The following PCDHGB7 variants were observed in gnomAD, a reference collection of about 807,000 sequenced individuals.
The protein encoded by PCDHGB7 is protocadherin gamma-B7.
Under a neutral mutation model 61.4 loss-of-function variants are expected in PCDHGB7, and 37 were observed. That is an observed-to-expected ratio of 0.60 (90% CI 0.46 to 0.79). The LOEUF is 0.79. PCDHGB7 is among the 30% of genes least tolerant of loss of function. The pLI, the probability that PCDHGB7 is intolerant of heterozygous loss-of-function variation, is 0.00. For missense variants in PCDHGB7, 1,166 were observed against 1,202.5 expected (o/e 0.97, Z 0.45); for synonymous variants, 464 against 503.5 (o/e 0.92, Z 1.05).
intron 2 of PCDHGB7, among the ~76,000 whole-genome samples, chr5:141,500,216 ATTT>A (rs979396489): frequency 3.1e-4 from 46 of 149,244 alleles, no homozygotes; most frequent in Non-Finnish European, 6.7e-4. Context: ...TTATTTATTT[ATTT>A]ATTTATTGAT....
intron 1 of PCDHGB7, among the ~76,000 whole-genome samples, chr5:141,437,421 T>G (rs971034611): frequency 1.2e-4 from 19 of 152,238 alleles, no homozygotes; most frequent in African/African-American, 4.6e-4. Flanking sequence ...TTATGCTTTT[T>G]GAAGCAGCAA....
rs561817609 is a variant in PCDHGB7, at chr5:141,496,904, G to A, written c.2474+2039G>A. Among the ~76,000 whole-genome samples, 12 of 137,476 alleles carry A rather than the reference G, an allele frequency of 8.7e-5. 1 individual carries two copies. The South Asian group carries it at 2.0e-3, about 23-fold the overall frequency. The allele number at this position is 137,476 out of a possible 152,430, so 90.2% of individuals were successfully genotyped here. On this transcript the variant is annotated intron_variant, in intron 2 of 3. Transcript: ENST00000398594. ...AGTAACACTTAAAAAAAAAAAAAAA[G>A]GCTGGGCACTGTGGTTCACGCCTGT...
At position 141,511,420 on chromosome 5, in the gene PCDHGB7, G is replaced by A; in HGVS notation, c.*247G>A. On this transcript the variant is annotated 3_prime_UTR_variant, in exon 4 of 4. Coordinates refer to ENST00000398594, the MANE Select transcript of PCDHGB7 (RefSeq NM_018927.4). ...TCCAATCAACTGCTGTACCCATGGG[G>A]GTAGTGGGGTTACTGTAGACACCAA... 2.4e-6 allele frequency: 2 copies of A among 830,862 alleles called. No individual in the cohort carries two copies. Among genetic ancestry groups the A allele is most frequent in the Non-Finnish European group, 1.8e-6 (1 of 557,336 alleles). The allele number at this position is 830,862 out of a possible 1,614,324, so 51.5% of individuals were successfully genotyped here.
chr5:141,481,434 A>C (rs1374254063), intron 1 of PCDHGB7, among the ~76,000 whole-genome samples: 1 of 152,256 alleles, frequency 6.6e-6, no homozygotes, highest in East Asian at 1.9e-4. Context: ...TGATTGTATC[A>C]GTTTAGTACA....
rs191354649 is a variant in PCDHGB7 at position 141,510,446 on chromosome 5, C to T, written c.2564-501C>T. 8.9e-4 allele frequency among the ~76,000 whole-genome samples: 135 copies of T among 152,154 alleles called. 1 individual carries two copies. Among genetic ancestry groups the T allele is most frequent in the Non-Finnish European group, 1.7e-3 (114 of 68,010 alleles). On this transcript the variant is annotated intron_variant, in intron 3 of 3. Coordinates refer to ENST00000398594, the MANE Select transcript of PCDHGB7 (RefSeq NM_018927.4). ...TTTCATGGCTGCTGCCCTCCAGGAG[C>T]CCATGGTCTAGTGTGGGAGTCAGAG...
intron 1 of PCDHGB7, chr5:141,441,114 T>A (rs1239606502): frequency 6.6e-6 from 1 of 152,218 alleles, no homozygotes; most frequent in Non-Finnish European, 1.5e-5. Context: ...TTGTCCAGTG[T>A]ACAGTTGAGA....
intron 1 of PCDHGB7, among the ~76,000 whole-genome samples, chr5:141,472,516 G>T (rs545962540): frequency 2.0e-5 from 3 of 152,072 alleles, no homozygotes; most frequent in Non-Finnish European, 4.4e-5. Flanking sequence ...CTCCAGCCTG[G>T]GTGACAGAGT....
At chr5:141,466,325 C>T (rs1252026939) in intron 1 of PCDHGB7, among the ~76,000 whole-genome samples, 3 of 152,108 alleles carry the variant, frequency 2.0e-5, no homozygotes, top group African/African-American at 7.2e-5. Context: ...CACATGCTAC[C>T]ATGCCTGGAT....
rs776854254 is a variant in PCDHGB7 at position 141,487,285 on chromosome 5, C to T, written c.2416-7522C>T. On this transcript the variant is annotated intron_variant, in intron 1 of 3. Coordinates refer to ENST00000398594, the MANE Select transcript of PCDHGB7 (RefSeq NM_018927.4). This position sits in a 1 kb window ranked among gnomAD's most constrained non-coding sequence, Gnocchi z 5.0. The stretch of plus-strand genomic sequence containing the variant: ...CCCTAGTGGCAATTTGCTTTGTCTC[C>T]TTTGGCTCATTCGTGGCACTACTCT... 8 of 1,614,148 alleles carry T rather than the reference C, an allele frequency of 5.0e-6. No homozygotes were observed. The highest frequency in any genetic ancestry group is 6.8e-6 in the Non-Finnish European group (8 of 1,180,036).
At chr5:141,435,858 A>C (rs138728159) in intron 1 of PCDHGB7, among the ~76,000 whole-genome samples, 1 of 152,304 alleles carries the variant, frequency 6.6e-6, no homozygotes, top group East Asian at 1.9e-4. Context: ...TACAATAGTT[A>C]AAACCCAGAA....
In PCDHGB7 at chr5:141,418,400, G is replaced by C; in HGVS notation, c.541G>C (p.Val181Leu). ...QLSPNEYFSL[V>L]EKDNPDGGKY... ...AAGTCCTAACGAGTATTTCTCATTGGTGGAGAAAGACAATCCTGATGGTGG... is the reference window on the plus strand; with the variant it reads ...AAGTCCTAACGAGTATTTCTCATTGCTGGAGAAAGACAATCCTGATGGTGG... Residue 181 changes from valine to leucine, a missense_variant, in exon 1 of 4, where the codon GTG (valine) becomes CTG (leucine). Val to Leu is a conservative substitution (Grantham distance 32). Coordinates refer to ENST00000398594, the MANE Select transcript of PCDHGB7 (RefSeq NM_018927.4). The C allele has an allele frequency of 6.2e-7, 1 of 1,613,900 alleles. No homozygotes were observed. The highest frequency in any genetic ancestry group is 8.5e-7 in the Non-Finnish European group (1 of 1,179,794).
chr5:141,484,788 TAAC>T (rs1245576501), intron 1 of PCDHGB7, among the ~76,000 whole-genome samples: 1 of 151,732 alleles, frequency 6.6e-6, no homozygotes, highest in Non-Finnish European at 1.5e-5. Flanking sequence ...CCCACAGAGA[TAAC>T]AACCCGTGGA....
rs376661062 is a variant in PCDHGB7, at chr5:141,432,185, G to T, written c.2415+11911G>T. 6.2e-6 allele frequency: 10 copies of T among 1,613,956 alleles called. No individual in the cohort carries two copies. The highest frequency in any genetic ancestry group is 8.5e-6 in the Non-Finnish European group (10 of 1,180,030). ...AGGAGTTTCCCTCGTCTCTGTGACC[G>T]CCCACGACCCCGACTGTGAAGAGAA... On this transcript the variant is annotated intron_variant, in intron 1 of 3. Coordinates refer to ENST00000398594, the MANE Select transcript of PCDHGB7 (RefSeq NM_018927.4). The surrounding 1 kb of genome is among the most constrained non-coding windows in gnomAD (Gnocchi z 6.0).
intron 2 of PCDHGB7, among the ~76,000 whole-genome samples, chr5:141,497,541 T>A (rs1157403777): frequency 1.1e-5 from 1 of 89,566 alleles, no homozygotes; most frequent in Admixed American, 1.2e-4. Context: ...GCAACAAACC[T>A]TTTTTTTTTT....
At position 141,487,610 on chromosome 5, in the gene PCDHGB7, C is replaced by A; in HGVS notation, c.2416-7197C>A. On this transcript the variant is annotated intron_variant, in intron 1 of 3. Transcript: ENST00000398594. The surrounding 1 kb of genome is among the most constrained non-coding windows in gnomAD (Gnocchi z 5.0). ...CCCACCCTCTGATCTTCTCTATGGG[C>A]TAGAGGTGAGACCTTTGCAGGCTCA... The A allele has an allele frequency of 6.2e-7, 1 of 1,614,190 alleles. No homozygotes were observed. The highest frequency in any genetic ancestry group is 1.1e-5 in the South Asian group (1 of 91,078).
In PCDHGB7 at chr5:141,420,154, T is replaced by C. The variant is rs2096470856; in HGVS notation, c.2295T>C (p.Phe765=). 2.5e-6 allele frequency: 4 copies of C among 1,613,948 alleles called. No homozygotes were observed. The highest frequency in any genetic ancestry group is 2.5e-6 in the Non-Finnish European group (3 of 1,179,896). The change falls in exon 1 of 4, where the codon TTT becomes TTC. Residue 765 remains phenylalanine, a synonymous_variant. Coordinates refer to ENST00000398594, the MANE Select transcript of PCDHGB7 (RefSeq NM_018927.4). ...CVPGDQMNPE[F]NFFTSVDHCP... is the part of the protein sequence containing the mutation. ...CTGGGGATCAAATGAATCCAGAATT[T>C]AATTTTTTCACATCTGTTGATCATT... is the stretch of plus-strand genomic sequence containing the variant.
chr5:141,423,624 T>A (rs756883871), intron 1 of PCDHGB7: 9 of 1,607,038 alleles, frequency 5.6e-6, no homozygotes, highest in African/African-American at 1.3e-5. Flanking sequence ...AAGACTCAGC[T>A]ATCATTTTAG....
At chr5:141,453,029 A>G (rs1014709934) in intron 1 of PCDHGB7, among the ~76,000 whole-genome samples, 1 of 152,206 alleles carries the variant, frequency 6.6e-6, no homozygotes, top group Non-Finnish European at 1.5e-5. Context: ...TCATTAAAAT[A>G]AAGTTTGTTT....
At chr5:141,421,977 G>A in intron 1 of PCDHGB7, 1 of 1,609,542 alleles carries the variant, frequency 6.2e-7, no homozygotes, top group Admixed American at 1.7e-5. Context: ...TATATCGCGT[G>A]AGTGTTCCAG....
Sources: gnomAD v4.1 joint callset for allele counts (sites outside exome capture counted in the v4.1 genomes callset) on GRCh38, gnomAD v4.1.1 for gene constraint, Gnocchi (gnomAD v3.1) non-coding constraint, MANE v1.5 for transcripts, NCBI Gene and HGNC (gene_info 2026-07-23, HGNC 2026-07-21) for gene names.